Variants in PDZD2 observed in about 807,000 individuals in gnomAD.
PDZD2 encodes PDZ domain-containing protein 2.
PDZD2 carries 90 observed loss-of-function variants against 220.7 expected under a neutral mutation model. The observed-to-expected ratio is 0.41, with a 90% confidence interval of 0.34 to 0.49. The LOEUF is 0.49. Ranked by LOEUF, PDZD2 falls within the 20% of genes least tolerant of loss-of-function variation. The pLI is 0.28. For missense variants in PDZD2, 3,174 were observed against 3,608.5 expected, an observed-to-expected ratio of 0.88 and a Z score of 3.08; for synonymous variants, 1,375 against 1,450.5, an observed-to-expected ratio of 0.95 and a Z score of 1.18.
chr5:31,815,769 A>G (rs2150248313), intron 2 of PDZD2, among the ~76,000 whole-genome samples: 1 of 152,344 alleles, frequency 6.6e-6, no homozygotes, highest in South Asian at 2.1e-4. Context: ...TGAATGTATT[A>G]AATAATCACA....
chr5:31,851,523 T>G (rs988265059), intron 2 of PDZD2, among the ~76,000 whole-genome samples: 8 of 152,334 alleles, frequency 5.3e-5, no homozygotes, highest in Non-Finnish European at 1.5e-5. Flanking sequence ...TGCTGAACTC[T>G]AAACTGTTTT....
At chr5:32,048,951 G>C (rs1247277670) in intron 8 of PDZD2, among the ~76,000 whole-genome samples, 1 of 152,170 alleles carries the variant, frequency 6.6e-6, no homozygotes, top group Admixed American at 6.5e-5. Context: ...CAATTGCCAG[G>C]AGACGATGGC....
intron 5 of PDZD2, among the ~76,000 whole-genome samples, chr5:32,009,600 G>A (rs1194327656): frequency 6.6e-6 from 1 of 152,000 alleles, no homozygotes; most frequent in Non-Finnish European, 1.5e-5. Context: ...GCATGGTGGT[G>A]CATGCCCTGT....
chr5:32,048,145 GA>G (rs1220679414), intron 7 of PDZD2, among the ~76,000 whole-genome samples: 1 of 151,606 alleles, frequency 6.6e-6, no homozygotes, highest in Non-Finnish European at 1.5e-5. Context: ...CCTATACTTG[GA>G]AAAAAAACAT....
At chr5:31,983,763 A>C in intron 3 of PDZD2, 107 bp downstream of exon 3, 1 of 1,130,024 alleles carries the variant, frequency 8.8e-7, no homozygotes, top group South Asian at 1.5e-5. Flanking sequence ...CAGAACCAGA[A>C]TTTTGAAAGA....
chr5:31,873,533 T>TTTTA (rs57704132), intron 2 of PDZD2, among the ~76,000 whole-genome samples: 37,291 of 143,990 alleles, frequency 0.26, 5,365 homozygotes, highest in Non-Finnish European at 0.31. Context: ...TGAAAATTCT[T>TTTTA]TTTATTTATT....
rs539767603 is a variant in PDZD2, at chr5:32,000,988, C to T, written c.1254+717C>T. On this transcript the variant is annotated intron_variant, in intron 5 of 24. Coordinates refer to ENST00000438447, the MANE Select transcript of PDZD2 (RefSeq NM_178140.4). This position sits in a 1 kb window ranked among gnomAD's most constrained non-coding sequence, Gnocchi z 4.5. Reference sequence around the variant, plus strand: ...GTCAGATCAGCGGCGGCACTGGACTCTCATAGGAATGCGAGCCCTATTGTG... The same window carrying T: ...GTCAGATCAGCGGCGGCACTGGACTTTCATAGGAATGCGAGCCCTATTGTG... 2.0e-5 allele frequency among the ~76,000 whole-genome samples: 3 copies of T among 152,296 alleles called. No individual in the cohort carries two copies. The highest frequency in any genetic ancestry group is 4.4e-5 in the Non-Finnish European group (3 of 68,026).
chr5:31,968,283 G>A (rs1274756267), intron 2 of PDZD2, among the ~76,000 whole-genome samples: 8 of 152,272 alleles, frequency 5.3e-5, no homozygotes, highest in African/African-American at 1.7e-4. Context: ...GCTTGAACCC[G>A]AGAGGCAGAG....
intron 2 of PDZD2, among the ~76,000 whole-genome samples, chr5:31,925,188 A>G (rs546846593): frequency 6.6e-6 from 1 of 152,338 alleles, no homozygotes; most frequent in African/African-American, 2.4e-5. Context: ...CAAAGTCAGA[A>G]GCATCACATT....
intron 8 of PDZD2, among the ~76,000 whole-genome samples, chr5:32,051,501 T>C (rs1738546674): frequency 6.6e-6 from 1 of 152,200 alleles, no homozygotes; most frequent in Non-Finnish European, 1.5e-5. Context: ...ATATTAAACA[T>C]AAAGTGATTT....
chr5:31,845,518 G>A (rs963342280), intron 2 of PDZD2, among the ~76,000 whole-genome samples: 6 of 152,236 alleles, frequency 3.9e-5, no homozygotes, highest in African/African-American at 1.2e-4. Flanking sequence ...CTAACAGTGG[G>A]AGGGAAGTCA....
intron 1 of PDZD2, among the ~76,000 whole-genome samples, chr5:31,726,962 T>C (rs1749183709): frequency 6.6e-6 from 1 of 152,166 alleles, no homozygotes. Context: ...AGGCCTTTAC[T>C]CATGGCAGAA....
At position 32,086,248 on chromosome 5, in the gene PDZD2, A is replaced by G. The variant is rs185581967; in HGVS notation, c.3683-883A>G. Among the ~76,000 whole-genome samples the G allele has an allele frequency of 8.4e-4, 128 of 152,274 alleles. 4 individuals carry two copies. The East Asian group carries it at 0.023, about 27-fold the overall frequency. On this transcript the variant is annotated intron_variant, in intron 19 of 24. Coordinates refer to ENST00000438447, the MANE Select transcript of PDZD2 (RefSeq NM_178140.4). ...CTGAAGTACATCATTCACATCCCCC[A>G]GTGTGAGCCAAACCCACACACCACT...
Position 32,110,211 on chromosome 5 carries a change from C to G in PDZD2, c.*2076C>G, listed in dbSNP as rs947499243. 2.6e-5 allele frequency: 4 copies of G among 152,748 alleles called. No homozygotes were observed. The highest frequency in any genetic ancestry group is 9.6e-5 in the African/African-American group (4 of 41,558). 9.5% of individuals were successfully genotyped at this position (152,748 alleles called of 1,614,324 possible). A position where few individuals can be genotyped will look rare whatever the true frequency, so the allele number is the denominator to read the frequency against. On this transcript the variant is annotated 3_prime_UTR_variant, in exon 25 of 25. Transcript: ENST00000438447. ...TAATAAACGCACAGCCCTATGTGAA[C>G]AGACAGGAATTTCTTGTGCAATGTG...
Position 32,088,870 on chromosome 5 carries a change from C to T in PDZD2, c.5422C>T (p.His1808Tyr). 6.2e-7 allele frequency: 1 copy of T among 1,614,026 alleles called. No homozygotes were observed. ...IMAWFKEINKHNQGTHLRSKT... is the reference protein window; with the variant it reads ...IMAWFKEINKYNQGTHLRSKT... ...GGCCTGGTTTAAAGAAATAAATAAA[C>T]ATAACCAAGGCACACATTTGAGGAG... The change falls in exon 20 of 25, where the codon CAT becomes TAT. Residue 1808 changes from histidine to tyrosine, a missense_variant. This residue lies in a region of PDZD2 where 1,861 missense variants were observed against 2,001.0 expected (regional missense o/e 0.93). Transcript: ENST00000438447. This position sits in a 1 kb window ranked among gnomAD's most constrained non-coding sequence, Gnocchi z 4.6.
intron 2 of PDZD2, among the ~76,000 whole-genome samples, chr5:31,870,492 AG>A: frequency 6.6e-6 from 1 of 152,178 alleles, no homozygotes; most frequent in South Asian, 2.1e-4. Context: ...AAAAAGGAAG[AG>A]GGTGGTTTAA....
Position 32,053,854 on chromosome 5 carries a change from C to A in PDZD2, c.1871C>A (p.Ser624Ter). The change falls in exon 10 of 25, where the codon TCA (serine) becomes TAA (stop). Residue 624 changes from serine (S) to a stop codon, truncating the protein, a stop_gained. Coordinates refer to ENST00000438447, the MANE Select transcript of PDZD2 (RefSeq NM_178140.4). LOFTEE classifies it high-confidence loss of function. Reference sequence around the variant, plus strand: ...GTCAAGACCATCTTCCCAAATGGATCAGCTGCAGAGGACGGAAGACTTAAA... The same window carrying A: ...GTCAAGACCATCTTCCCAAATGGATAAGCTGCAGAGGACGGAAGACTTAAA... Reference protein sequence around the residue: ...IFVKTIFPNGSAAEDGRLKEG... With the variant: ...IFVKTIFPNG 1 of 1,608,712 alleles carries A rather than the reference C, an allele frequency of 6.2e-7. No homozygotes were observed. The highest frequency in any genetic ancestry group is 8.5e-7 in the Non-Finnish European group (1 of 1,175,078).
rs1301025035 is a variant in PDZD2 at position 31,933,068 on chromosome 5, G to A, written c.477-50087G>A. ...TGGGATTACAGATGTGTGCCACCAC[G>A]CCTGGCCAATTTTTGTATTTTTAGT... is the stretch of plus-strand genomic sequence containing the variant. On this transcript the variant is annotated intron_variant, in intron 2 of 24. Transcript: ENST00000438447. 9.2e-5 allele frequency among the ~76,000 whole-genome samples: 14 copies of A among 151,928 alleles called. No homozygotes were observed. In the East Asian group the frequency reaches 2.3e-3, roughly 25 times the overall value.
In PDZD2 at chr5:32,074,164, C is replaced by T; in HGVS notation, c.3058C>T (p.Arg1020Ter). Reference protein sequence around the residue: ...KGMDVHNQEERPRKTLVSKAI... With the variant: ...KGMDVHNQEE The stretch of plus-strand genomic sequence containing the variant: ...CATGGACGTCCACAACCAAGAGGAA[C>T]GACCCCGGAAAACACTGGTGAGCAA... Residue 1020 changes from arginine to a stop codon, truncating the protein, a stop_gained, in exon 18 of 25, where the codon CGA (arginine) becomes TGA (stop). Transcript: ENST00000438447. LOFTEE classifies it high-confidence loss of function. The T allele has an allele frequency of 5.6e-6, 9 of 1,614,176 alleles. No individual in the cohort carries two copies. Among genetic ancestry groups the T allele is most frequent in the Non-Finnish European group, 6.8e-6 (8 of 1,180,016 alleles).
Sources: gnomAD v4.1 joint callset for allele counts (sites outside exome capture counted in the v4.1 genomes callset) on GRCh38, gnomAD v4.1.1 for gene constraint, gnomAD v4.1.1 regional missense constraint, Gnocchi (gnomAD v3.1) non-coding constraint, MANE v1.5 for transcripts, NCBI Gene and HGNC (gene_info 2026-07-23, HGNC 2026-07-21) for gene names.